Variants in ANKH observed in about 807,000 individuals in gnomAD.
ANKH encodes the protein ANKH inorganic pyrophosphate transport regulator.
A neutral mutation model predicts 49.0 loss-of-function variants in ANKH; 15 were observed. The observed-to-expected ratio is 0.31, with a 90% confidence interval of 0.20 to 0.47. The LOEUF is 0.47. Ranked by LOEUF, ANKH falls within the 20% of genes least tolerant of loss-of-function variation. The pLI is 1.00. For missense variants in ANKH, 429 were observed against 652.0 expected (o/e 0.66, Z 3.72); for synonymous variants, 273 against 260.0 (o/e 1.05, Z -0.48).
chr5:14,707,486 A>G lies in ANKH; in HGVS notation c.*3711T>C, dbSNP rs749265514. The G allele has an allele frequency of 1.3e-5, 2 of 152,132 alleles. No homozygotes were observed. The highest frequency in any genetic ancestry group is 2.9e-5 in the Non-Finnish European group (2 of 68,030). The allele number at this position is 152,132 out of a possible 1,614,324, so 9.4% of individuals were successfully genotyped here. ...AAAATATAAGTGAATAAATTTTGAG[A>G]GTTACGATATGTAATGATTATTCCA... On this transcript the variant is annotated 3_prime_UTR_variant, in exon 12 of 12. Coordinates refer to ENST00000284268, the MANE Select transcript of ANKH (RefSeq NM_054027.6).
chr5:14,867,841 G>A (rs1428413854), intron 1 of ANKH, among the ~76,000 whole-genome samples: 1 of 152,164 alleles, frequency 6.6e-6, no homozygotes, highest in Non-Finnish European at 1.5e-5. Context: ...ATTTTCTATG[G>A]TGCCTATGTT....
chr5:14,850,731 T>C (rs1742100395), intron 1 of ANKH, among the ~76,000 whole-genome samples: 1 of 152,228 alleles, frequency 6.6e-6, no homozygotes, highest in South Asian at 2.1e-4. Flanking sequence ...CTGAGCAATC[T>C]AATCTGAAAC....
intron 8 of ANKH, among the ~76,000 whole-genome samples, chr5:14,719,584 G>T (rs1737598605): frequency 6.6e-6 from 1 of 152,204 alleles, no homozygotes; most frequent in African/African-American, 2.4e-5. Flanking sequence ...GAAAATGTGG[G>T]AATAACTTAG....
rs1015689273 is a variant in ANKH at position 14,708,710 on chromosome 5, C to A, written c.*2487G>T. On this transcript the variant is annotated 3_prime_UTR_variant, in exon 12 of 12. Coordinates refer to ENST00000284268, the MANE Select transcript of ANKH (RefSeq NM_054027.6). Reference sequence around the variant, plus strand: ...CGTGCTTTAAGGTGAAAGGTTTGAACAAGTCCTGCCAAATCAGCTCCATTG... The same window carrying A: ...CGTGCTTTAAGGTGAAAGGTTTGAAAAAGTCCTGCCAAATCAGCTCCATTG... The A allele has an allele frequency of 6.6e-6, 1 of 152,230 alleles. No homozygotes were observed. Among genetic ancestry groups the A allele is most frequent in the Non-Finnish European group, 1.5e-5 (1 of 68,042 alleles). 9.4% of individuals were successfully genotyped at this position (152,230 alleles called of 1,614,324 possible).
chr5:14,835,741 A>T (rs2126603774), intron 1 of ANKH, among the ~76,000 whole-genome samples: 1 of 152,334 alleles, frequency 6.6e-6, no homozygotes, highest in Non-Finnish European at 1.5e-5. Context: ...ATAGAAAAAG[A>T]TGGAATCCTC....
chr5:14,827,403 C>T (rs1043699300), intron 1 of ANKH, among the ~76,000 whole-genome samples: 6 of 152,182 alleles, frequency 3.9e-5, no homozygotes, highest in African/African-American at 1.4e-4. Context: ...GTCCAGCCAG[C>T]CCTAGAGTCC....
chr5:14,754,836 G>C (rs1166882682), intron 4 of ANKH, among the ~76,000 whole-genome samples: 2 of 152,130 alleles, frequency 1.3e-5, no homozygotes, highest in African/African-American at 2.4e-5. Context: ...AGCACTTTGG[G>C]AGGCCGAGGT....
intron 2 of ANKH, among the ~76,000 whole-genome samples, chr5:14,761,546 A>C (rs923918144): frequency 1.3e-5 from 2 of 151,460 alleles, no homozygotes; most frequent in Non-Finnish European, 2.9e-5. Flanking sequence ...CTAGGGATGC[A>C]CTGAAATGTG....
Position 14,745,685 on chromosome 5 carries a change from G to A in ANKH, c.915+185C>T, listed in dbSNP as rs1336633294. Among the ~76,000 whole-genome samples the A allele has an allele frequency of 2.6e-5, 4 of 152,150 alleles. No homozygotes were observed. Among genetic ancestry groups the A allele is most frequent in the Non-Finnish European group, 5.9e-5 (4 of 68,036 alleles). On this transcript the variant is annotated intron_variant, in intron 7 of 11. Coordinates refer to ENST00000284268, the MANE Select transcript of ANKH (RefSeq NM_054027.6). This position sits in a 1 kb window ranked among gnomAD's most constrained non-coding sequence, Gnocchi z 4.7. ...AAGCATCCTGGGATCAGCGTCAAAG[G>A]TAAGCTTCAACTTGCCCCTGTTATT...
At chr5:14,852,394 T>C (rs1467578462) in intron 1 of ANKH, among the ~76,000 whole-genome samples, 4 of 142,174 alleles carry the variant, frequency 2.8e-5, no homozygotes, top group Non-Finnish European at 4.8e-5. Flanking sequence ...CATGATTAGG[T>C]CACAACAAAT....
intron 1 of ANKH, among the ~76,000 whole-genome samples, chr5:14,815,059 T>C (rs926844808): frequency 2.6e-5 from 4 of 152,214 alleles, no homozygotes; most frequent in Non-Finnish European, 4.4e-5. Context: ...CTCTGCGCTT[T>C]TGAACATGTC....
chr5:14,809,573 T>C (rs1301250598), intron 1 of ANKH, among the ~76,000 whole-genome samples: 1 of 152,056 alleles, frequency 6.6e-6, no homozygotes, highest in Non-Finnish European at 1.5e-5. Flanking sequence ...AATCAATAAG[T>C]GTCATAACAG....
At chr5:14,842,101 T>G (rs573360748) in intron 1 of ANKH, among the ~76,000 whole-genome samples, 2 of 152,250 alleles carry the variant, frequency 1.3e-5, no homozygotes, top group South Asian at 4.2e-4. Flanking sequence ...ATTAGACAAT[T>G]CCTAGGAAAG....
chr5:14,801,475 T>C (rs1026608339), intron 1 of ANKH, among the ~76,000 whole-genome samples: 1 of 152,252 alleles, frequency 6.6e-6, no homozygotes, highest in Non-Finnish European at 1.5e-5. Flanking sequence ...AAAAACTCTT[T>C]ATATTGAAAT....
chr5:14,781,881 C>G (rs1019807244), intron 1 of ANKH, among the ~76,000 whole-genome samples: 1 of 152,200 alleles, frequency 6.6e-6, no homozygotes, highest in Non-Finnish European at 1.5e-5. Context: ...TAGTTAACAT[C>G]TCAAGATTCT....
At chr5:14,843,841 C>T (rs1050448627) in intron 1 of ANKH, among the ~76,000 whole-genome samples, 4 of 152,166 alleles carry the variant, frequency 2.6e-5, no homozygotes, top group Non-Finnish European at 4.4e-5. Flanking sequence ...CTCACTTTAA[C>T]GACAGAGCCC....
chr5:14,866,481 T>C (rs1326807598), intron 1 of ANKH, among the ~76,000 whole-genome samples: 1 of 152,242 alleles, frequency 6.6e-6, no homozygotes, highest in African/African-American at 2.4e-5. Context: ...TTGTTCTATG[T>C]CATTTGGTGA....
chr5:14,791,842 GCT>G (rs1179739683), intron 1 of ANKH, among the ~76,000 whole-genome samples: 1 of 152,190 alleles, frequency 6.6e-6, no homozygotes, highest in Non-Finnish European at 1.5e-5. Flanking sequence ...ACTTGAAGGC[GCT>G]CATCCAGCAA....
At chr5:14,795,731 A>G (rs140649662) in intron 1 of ANKH, among the ~76,000 whole-genome samples, 2 of 152,200 alleles carry the variant, frequency 1.3e-5, no homozygotes, top group Non-Finnish European at 2.9e-5. Flanking sequence ...GGTGGCACAT[A>G]TCTGTAATCC....
Sources: allele counts gnomAD v4.1 joint callset (sites outside exome capture counted in the v4.1 genomes callset), GRCh38; gene constraint gnomAD v4.1.1; non-coding constraint Gnocchi (gnomAD v3.1); transcripts MANE v1.5; gene names NCBI Gene and HGNC (gene_info 2026-07-23, HGNC 2026-07-21).